Variants in TRPC4 observed in about 807,000 individuals in gnomAD.
TRPC4 encodes transient receptor potential cation channel subfamily C member 4.
TRPC4 carries 49 observed loss-of-function variants against 99.4 expected under a neutral mutation model. The ratio of observed to expected loss-of-function variants is 0.49; its 90% CI spans 0.39 to 0.63. TRPC4 has a LOEUF of 0.63. Among genes scored for constraint, TRPC4 ranks in the 20% least tolerant of loss-of-function variants. The pLI, the probability that TRPC4 is intolerant of heterozygous loss-of-function variation, is 0.00. For synonymous variants in TRPC4, 454 were observed against 425.9 expected, an observed-to-expected ratio of 1.07 and a Z score of -0.81; for missense variants, 898 against 1,152.9, an observed-to-expected ratio of 0.78 and a Z score of 3.20.
chr13:37,672,352 T>C (rs1952880181), intron 5 of TRPC4, among the ~76,000 whole-genome samples: 1 of 152,212 alleles, frequency 6.6e-6, no homozygotes, highest in African/African-American at 2.4e-5. Flanking sequence ...CACAGTTCTC[T>C]GAGCTGTAGA....
chr13:37,785,243 A>G (rs1292576476), intron 1 of TRPC4, among the ~76,000 whole-genome samples: 4 of 152,002 alleles, frequency 2.6e-5, no homozygotes, highest in Non-Finnish European at 1.5e-5. Flanking sequence ...AGTGATGCCA[A>G]TTCAATGTTG....
At chr13:37,869,372 T>C (rs1166587512) in intron 1 of TRPC4, among the ~76,000 whole-genome samples, 1 of 152,168 alleles carries the variant, frequency 6.6e-6, no homozygotes, top group African/African-American at 2.4e-5. Context: ...CCCAAACTCC[T>C]GCTCAGCCCG....
intron 1 of TRPC4, among the ~76,000 whole-genome samples, chr13:37,790,991 T>C (rs1957103776): frequency 6.6e-6 from 1 of 152,130 alleles, no homozygotes; most frequent in African/African-American, 2.4e-5. Context: ...TTATATCTTA[T>C]TAAAATTATT....
At position 37,637,047 on chromosome 13, in the gene TRPC4, G is replaced by GA; in HGVS notation, c.2789dup (p.Lys931GlnfsTer26). 3 of 1,613,686 alleles carry GA rather than the reference G, an allele frequency of 1.9e-6. No individual in the cohort carries two copies. The highest frequency in any genetic ancestry group is 2.5e-6 in the Non-Finnish European group (3 of 1,179,768). ...CCTCCACCACCACCTTCTCTGACTTGAATGGACACACTCTCTTTCCTACCT... is the reference window on the plus strand; with the variant it reads ...CCTCCACCACCACCTTCTCTGACTTGAAATGGACACACTCTCTTTCCTACCT... On this transcript the variant is annotated frameshift_variant, in exon 11 of 11. Transcript: ENST00000379705. LOFTEE classifies it high-confidence loss of function.
intron 1 of TRPC4, among the ~76,000 whole-genome samples, chr13:37,834,469 A>G (rs1365913474): frequency 1.3e-5 from 2 of 152,226 alleles, no homozygotes; most frequent in East Asian, 3.9e-4. Context: ...AAAATGATCA[A>G]GCTATTTCAA....
chr13:37,829,271 C>T (rs1958339149), intron 1 of TRPC4, among the ~76,000 whole-genome samples: 1 of 152,068 alleles, frequency 6.6e-6, no homozygotes, highest in South Asian at 2.1e-4. Context: ...TATAAAAAGG[C>T]AAATATTCAG....
At position 37,636,094 on chromosome 13, in the gene TRPC4, T is replaced by G. The variant is rs9547988; in HGVS notation, c.*809A>C. Among the ~76,000 whole-genome samples, 47,368 of 151,876 alleles carry G rather than the reference T, an allele frequency of 0.31. 7,596 individuals carry two copies. The highest frequency in any genetic ancestry group is 0.33 in the Non-Finnish European group (22,426 of 67,886). On this transcript the variant is annotated 3_prime_UTR_variant, in exon 11 of 11. Coordinates refer to ENST00000379705, the MANE Select transcript of TRPC4 (RefSeq NM_016179.4). ...TACTTACAATATTATGGTTTATTAT[T>G]TTTTTATAACAGAAATCTTGCCATA...
At chr13:37,647,132 T>C (rs1951879251) in intron 8 of TRPC4, among the ~76,000 whole-genome samples, 1 of 152,140 alleles carries the variant, frequency 6.6e-6, no homozygotes, top group Admixed American at 6.5e-5. Context: ...AATGGGCTCC[T>C]AGAGAGTGGC....
chr13:37,663,022 C>T (rs1952500697), intron 6 of TRPC4, among the ~76,000 whole-genome samples: 1 of 152,156 alleles, frequency 6.6e-6, no homozygotes, highest in Non-Finnish European at 1.5e-5. Flanking sequence ...ACCTGGAAAA[C>T]ACATGAGGAA....
At position 37,738,415 on chromosome 13, in the gene TRPC4, G is replaced by A. The variant is rs137970793; in HGVS notation, c.897+7522C>T. On this transcript the variant is annotated intron_variant, in intron 3 of 10. Coordinates refer to ENST00000379705, the MANE Select transcript of TRPC4 (RefSeq NM_016179.4). ...GGGACCCATTGTCTTCTCTCCCTGA[G>A]AGAGTCAAGGAAATCTACAGAAGCT... Among the ~76,000 whole-genome samples the A allele has an allele frequency of 3.7e-3, 565 of 152,270 alleles. 4 individuals are homozygous for A. The highest frequency in any genetic ancestry group is 4.1e-3 in the Non-Finnish European group (278 of 68,010).
intron 1 of TRPC4, among the ~76,000 whole-genome samples, chr13:37,846,505 T>G (rs1032234628): frequency 3.1e-4 from 47 of 152,186 alleles, no homozygotes; most frequent in African/African-American, 1.0e-3. Context: ...GTTACCAGCT[T>G]AAAGTAGTCT....
intron 3 of TRPC4, among the ~76,000 whole-genome samples, chr13:37,733,340 C>T (rs940421120): frequency 6.6e-6 from 1 of 152,106 alleles, no homozygotes; most frequent in East Asian, 1.9e-4. Context: ...GTAGCCAAGG[C>T]AGGCTCTGAT....
chr13:37,668,093 C>G (rs1009009141), intron 5 of TRPC4, among the ~76,000 whole-genome samples: 3 of 152,206 alleles, frequency 2.0e-5, no homozygotes, highest in Non-Finnish European at 2.9e-5. Flanking sequence ...CTGATCAGAG[C>G]TGACAGCTCC....
chr13:37,669,679 A>G (rs1952769523), intron 5 of TRPC4, among the ~76,000 whole-genome samples: 1 of 152,170 alleles, frequency 6.6e-6, no homozygotes, highest in Non-Finnish European at 1.5e-5. Flanking sequence ...TAATCTTCAG[A>G]AACATTCTAT....
intron 8 of TRPC4, among the ~76,000 whole-genome samples, chr13:37,649,050 C>T (rs1274612246): frequency 6.6e-6 from 1 of 151,206 alleles, no homozygotes; most frequent in Non-Finnish European, 1.5e-5. Flanking sequence ...TCAAAATACT[C>T]TTATGAAAGG....
At chr13:37,851,917 G>A (rs981629697) in intron 1 of TRPC4, among the ~76,000 whole-genome samples, 9 of 152,230 alleles carry the variant, frequency 5.9e-5, no homozygotes, top group African/African-American at 2.2e-4. Flanking sequence ...CTCAGCCAGT[G>A]CCTGTGCACA....
chr13:37,805,413 G>C (rs538665893), intron 1 of TRPC4, among the ~76,000 whole-genome samples: 1 of 151,898 alleles, frequency 6.6e-6, no homozygotes, highest in African/African-American at 2.4e-5. Context: ...CTTCACTGGG[G>C]AAGTCTTGAA....
At position 37,692,078 on chromosome 13, in the gene TRPC4, C is replaced by G. The variant is rs1953731342; in HGVS notation, c.1155G>C (p.Gln385His). Residue 385 changes from glutamine to histidine, a missense_variant, in exon 4 of 11, where the codon CAG becomes CAC. Coordinates refer to ENST00000379705, the MANE Select transcript of TRPC4 (RefSeq NM_016179.4). The stretch of plus-strand genomic sequence containing the variant: ...TGTTCAAGTCTGACCTGTCGATGTG[C>G]TGAGAGGCAAGCAGCAGCAGGAACA... ...TFLFLLLLASQHIDRSDLNRQ... is the reference protein window; with the variant it reads ...TFLFLLLLASHHIDRSDLNRQ... 6.2e-7 allele frequency: 1 copy of G among 1,614,116 alleles called. No homozygotes were observed. The highest frequency in any genetic ancestry group is 8.5e-7 in the Non-Finnish European group (1 of 1,180,010).
chr13:37,642,286 C>T lies in TRPC4; in HGVS notation c.2080-2987G>A, dbSNP rs138406956. On this transcript the variant is annotated intron_variant, in intron 8 of 10. Transcript: ENST00000379705. Reference sequence around the variant, plus strand: ...TTTTGCTATGACCCTAATGAGACAGCCATATGTGAGCGTTGATATAGAAAC... The same window carrying T: ...TTTTGCTATGACCCTAATGAGACAGTCATATGTGAGCGTTGATATAGAAAC... Among the ~76,000 whole-genome samples, 90 of 152,206 alleles carry T rather than the reference C, an allele frequency of 5.9e-4. No individual in the cohort carries two copies. The East Asian group carries it at 0.016, about 27-fold the overall frequency.
Sources: allele counts gnomAD v4.1 joint callset (sites outside exome capture counted in the v4.1 genomes callset), GRCh38; gene constraint gnomAD v4.1.1; transcripts MANE v1.5; gene names NCBI Gene and HGNC (gene_info 2026-07-23, HGNC 2026-07-21).